The following COL23A1 variants were observed in gnomAD, a reference collection of about 807,000 sequenced individuals.
The protein encoded by COL23A1 is collagen type XXIII alpha 1 chain, also known as collagen alpha-1(XXIII) chain.
Under a neutral mutation model 99.3 loss-of-function variants are expected in COL23A1, and 97 were observed. The observed-to-expected ratio is 0.98, with a 90% CI of 0.83 to 1.16. The LOEUF (loss-of-function observed/expected upper bound fraction) is 1.16. Ranked by LOEUF, COL23A1 falls within the 50% of genes most tolerant of loss-of-function variation. COL23A1 has a pLI of 0.00. For synonymous variants in COL23A1, 320 were observed against 308.2 expected (o/e 1.04, Z -0.40); for missense variants, 762 against 757.4 (o/e 1.01, Z -0.07).
chr5:178,529,063 C>T (rs764643554), intron 2 of COL23A1, among the ~76,000 whole-genome samples: 17 of 152,246 alleles, frequency 1.1e-4, no homozygotes, highest in Admixed American at 2.6e-4. Context: ...CGCAGAGCTA[C>T]GGCTGAGGTC....
intron 5 of COL23A1, among the ~76,000 whole-genome samples, chr5:178,284,582 A>G (rs1037121140): frequency 6.6e-6 from 1 of 152,220 alleles, no homozygotes; most frequent in Non-Finnish European, 1.5e-5. Flanking sequence ...TTCTAAGGAG[A>G]TAATCATGGA....
chr5:178,387,990 C>T lies in COL23A1; in HGVS notation c.362-81071G>A, dbSNP rs1212846219. On this transcript the variant is annotated intron_variant, in intron 2 of 28. Coordinates refer to ENST00000390654, the MANE Select transcript of COL23A1 (RefSeq NM_173465.4). This position sits in a 1 kb window ranked among gnomAD's most constrained non-coding sequence, Gnocchi z 4.7. ...GAGATTGATGCAGAAAGCCCCCCGC[C>T]ACCATGGCCACCGCCCACCGACACT... Among the ~76,000 whole-genome samples the T allele has an allele frequency of 2.6e-5, 4 of 152,182 alleles. No individual in the cohort carries two copies. Among genetic ancestry groups the T allele is most frequent in the African/African-American group, 9.6e-5 (4 of 41,526 alleles).
At chr5:178,338,899 A>T (rs1760502510) in intron 2 of COL23A1, among the ~76,000 whole-genome samples, 1 of 152,212 alleles carries the variant, frequency 6.6e-6, no homozygotes, top group South Asian at 2.1e-4. Flanking sequence ...TCACAGCTGA[A>T]TGAAGGCCAG....
At position 178,384,943 on chromosome 5, in the gene COL23A1, G is replaced by C. The variant is rs879612480; in HGVS notation, c.362-78024C>G. Among the ~76,000 whole-genome samples the C allele has an allele frequency of 7.9e-5, 12 of 151,598 alleles. No homozygotes were observed. The highest frequency in any genetic ancestry group is 3.3e-4 in the Admixed American group (5 of 15,252). On this transcript the variant is annotated intron_variant, in intron 2 of 28. Coordinates refer to ENST00000390654, the MANE Select transcript of COL23A1 (RefSeq NM_173465.4). This position sits in a 1 kb window ranked among gnomAD's most constrained non-coding sequence, Gnocchi z 5.5. ...GGCTCCCGCTCCTTCCCTGTGCCCAGCCTCCCTGCCTGCCCCATCCAAGCC... is the reference window on the plus strand; with the variant it reads ...GGCTCCCGCTCCTTCCCTGTGCCCACCCTCCCTGCCTGCCCCATCCAAGCC...
intron 2 of COL23A1, among the ~76,000 whole-genome samples, chr5:178,495,046 T>C (rs1758126820): frequency 3.3e-5 from 5 of 152,206 alleles, no homozygotes; most frequent in African/African-American, 1.2e-4. Flanking sequence ...CCAGAGACAC[T>C]GCCAGTGTCT....
chr5:178,504,678 G>A (rs987060898), intron 2 of COL23A1, among the ~76,000 whole-genome samples: 1 of 152,224 alleles, frequency 6.6e-6, no homozygotes, highest in East Asian at 1.9e-4. Context: ...TCCCCGCTGA[G>A]AGAAGTCAGG....
chr5:178,527,314 G>A (rs1562055792), intron 2 of COL23A1, among the ~76,000 whole-genome samples: 1 of 152,298 alleles, frequency 6.6e-6, no homozygotes, highest in Admixed American at 6.5e-5. Flanking sequence ...TGAAGGAGCC[G>A]GGGTCTAGAT....
At position 178,306,539 on chromosome 5, in the gene COL23A1, T is replaced by C. The variant is rs989613629; in HGVS notation, c.406+336A>G. Among the ~76,000 whole-genome samples the C allele has an allele frequency of 8.0e-6, 1 of 124,764 alleles. No homozygotes were observed. Among genetic ancestry groups the C allele is most frequent in the Middle Eastern group, 5.5e-3 (1 of 182 alleles). 81.9% of individuals were successfully genotyped at this position (124,764 alleles called of 152,430 possible). A position where few individuals can be genotyped will look rare whatever the true frequency, so the allele number is the denominator to read the frequency against. Reference sequence around the variant, plus strand: ...GAACCCGGTTGTGCTGAAGGACCCATGGGGGAGGGTGTGGCTGGCGGAGTC... The same window carrying C: ...GAACCCGGTTGTGCTGAAGGACCCACGGGGGAGGGTGTGGCTGGCGGAGTC... On this transcript the variant is annotated intron_variant, in intron 3 of 28. Coordinates refer to ENST00000390654, the MANE Select transcript of COL23A1 (RefSeq NM_173465.4). The surrounding 1 kb of genome is among the most constrained non-coding windows in gnomAD (Gnocchi z 4.1).
At chr5:178,393,858 C>G (rs374621209) in intron 2 of COL23A1, among the ~76,000 whole-genome samples, 81 of 152,148 alleles carry the variant, frequency 5.3e-4, no homozygotes, top group African/African-American at 1.9e-3. Context: ...AACTCCTAAC[C>G]TCAAGTAATC....
intron 2 of COL23A1, among the ~76,000 whole-genome samples, chr5:178,388,234 T>C (rs988424901): frequency 1.3e-5 from 2 of 152,234 alleles, no homozygotes; most frequent in Non-Finnish European, 2.9e-5. Context: ...ATGCAAGACC[T>C]GCTTTTAGCG....
chr5:178,498,232 ATATATATATATATATATATATAT>A lies in COL23A1; in HGVS notation c.361+62427_361+62449del, dbSNP rs1758315002. On this transcript the variant is annotated intron_variant, in intron 2 of 28. Coordinates refer to ENST00000390654, the MANE Select transcript of COL23A1 (RefSeq NM_173465.4). ...TATATATATATATATATATATATAT[ATATATATATATATATATATATAT>A]ATAAAAGAACTTAAAAATAAAAAAA... 2.7e-4 allele frequency among the ~76,000 whole-genome samples: 20 copies of A among 73,338 alleles called. 3 individuals are homozygous for A. The highest frequency in any genetic ancestry group is 9.8e-4 in the African/African-American group (17 of 17,354). The allele number at this position is 73,338 out of a possible 152,430, so 48.1% of individuals were successfully genotyped here.
chr5:178,542,110 G>A (rs1440491722), intron 2 of COL23A1, among the ~76,000 whole-genome samples: 4 of 152,140 alleles, frequency 2.6e-5, no homozygotes, highest in South Asian at 2.1e-4. Flanking sequence ...TGCAACCTCC[G>A]CCTCCCGGGT....
intron 12 of COL23A1, among the ~76,000 whole-genome samples, chr5:178,259,356 A>G (rs1265406450): frequency 2.0e-5 from 3 of 152,166 alleles, no homozygotes; most frequent in Non-Finnish European, 4.4e-5. Context: ...GGGCTGGTCA[A>G]ACAAACTCTG....
intron 2 of COL23A1, among the ~76,000 whole-genome samples, chr5:178,477,743 G>C (rs1757109815): frequency 1.3e-5 from 2 of 152,208 alleles, no homozygotes; most frequent in Admixed American, 1.3e-4. Flanking sequence ...GCTCTTCCCT[G>C]GAGAAGGTAG....
At chr5:178,516,374 G>A (rs547650486) in intron 2 of COL23A1, among the ~76,000 whole-genome samples, 3 of 152,308 alleles carry the variant, frequency 2.0e-5, no homozygotes, top group South Asian at 2.1e-4. Flanking sequence ...ATGCCAACGT[G>A]CCCAAAGGCG....
intron 2 of COL23A1, among the ~76,000 whole-genome samples, chr5:178,373,874 C>T (rs1762929635): frequency 6.6e-6 from 1 of 152,190 alleles, no homozygotes; most frequent in Non-Finnish European, 1.5e-5. Context: ...CACCGTGTGG[C>T]AGAGCAGGGC....
Position 178,589,625 on chromosome 5 carries a change from G to GTCC in COL23A1, c.294+278_294+279insGGA, listed in dbSNP as rs1764164602. Among the ~76,000 whole-genome samples the GTCC allele has an allele frequency of 6.6e-6, 1 of 152,204 alleles. No individual in the cohort carries two copies. ...CCCCGTGGAGACTGACCCTAGGTCT[G>GTCC]TTACTCCAAAGTCCCTGGTCTCTCC... is the stretch of plus-strand genomic sequence containing the variant. On this transcript the variant is annotated intron_variant, in intron 1 of 28. Transcript: ENST00000390654. This position sits in a 1 kb window ranked among gnomAD's most constrained non-coding sequence, Gnocchi z 5.4.
chr5:178,249,716 ACTCTCT>A (rs59946818), intron 18 of COL23A1, among the ~76,000 whole-genome samples: 7,595 of 92,412 alleles, frequency 0.082, 335 homozygotes, highest in Non-Finnish European at 0.11. Context: ...ACACACACAC[ACTCTCT>A]CTCTCTCTCT....
At chr5:178,325,331 C>CT (rs1759586679) in intron 2 of COL23A1, among the ~76,000 whole-genome samples, 3 of 144,174 alleles carry the variant, frequency 2.1e-5, no homozygotes, top group African/African-American at 8.1e-5. Context: ...TGGGACAGCG[C>CT]TCCCTGGCCA....
Sources: gnomAD v4.1 joint callset for allele counts (sites outside exome capture counted in the v4.1 genomes callset) on GRCh38, gnomAD v4.1.1 for gene constraint, Gnocchi (gnomAD v3.1) non-coding constraint, MANE v1.5 for transcripts, NCBI Gene and HGNC (gene_info 2026-07-23, HGNC 2026-07-21) for gene names.